Variants in CDH13 observed in about 807,000 individuals in gnomAD.
The protein encoded by CDH13 is cadherin-13.
CDH13 carries 24 observed loss-of-function variants against 63.8 expected under a neutral mutation model. The observed-to-expected ratio is 0.38, with a 90% CI of 0.27 to 0.53. The LOEUF (loss-of-function observed/expected upper bound fraction) is 0.53. Among genes scored for constraint, CDH13 ranks in the 20% least tolerant of loss-of-function variants. The pLI is 0.85. For missense variants in CDH13, 1,049 were observed against 903.1 expected, an observed-to-expected ratio of 1.16 and a Z score of -2.07; for synonymous variants, 503 against 355.3, an observed-to-expected ratio of 1.42 and a Z score of -4.67.
At chr16:83,695,834 C>G (rs1037924174) in intron 10 of CDH13, among the ~76,000 whole-genome samples, 5 of 151,760 alleles carry the variant, frequency 3.3e-5, no homozygotes, top group Non-Finnish European at 7.4e-5. Flanking sequence ...GAAGGGAGGT[C>G]GAACCTTTCG....
chr16:82,692,353 A>G (rs1915725328), intron 1 of CDH13, among the ~76,000 whole-genome samples: 1 of 152,240 alleles, frequency 6.6e-6, no homozygotes, highest in Non-Finnish European at 1.5e-5. Flanking sequence ...AAGAGGATTA[A>G]TTGACTCACA....
chr16:82,940,423 C>G (rs1444082533), intron 2 of CDH13, among the ~76,000 whole-genome samples: 3 of 152,006 alleles, frequency 2.0e-5, no homozygotes, highest in Admixed American at 2.0e-4. Context: ...GAGTCCAAAC[C>G]TTAGCAGTTA....
intron 6 of CDH13, among the ~76,000 whole-genome samples, chr16:83,421,231 G>A (rs1240736182): frequency 6.6e-6 from 1 of 152,144 alleles, no homozygotes; most frequent in Non-Finnish European, 1.5e-5. Context: ...GATTAGTGAG[G>A]TGAAGAGAAG....
chr16:83,319,871 A>C (rs1207008729), intron 5 of CDH13, among the ~76,000 whole-genome samples: 1 of 152,186 alleles, frequency 6.6e-6, no homozygotes, highest in Non-Finnish European at 1.5e-5. Flanking sequence ...TCAGTTCTTC[A>C]CCTGCTCGTT....
At chr16:83,006,925 T>C (rs2151430580) in intron 2 of CDH13, among the ~76,000 whole-genome samples, 1 of 130,806 alleles carries the variant, frequency 7.6e-6, no homozygotes, top group Middle Eastern at 4.1e-3. Flanking sequence ...TGTTTGTTTG[T>C]TTGTTTGTTT....
intron 3 of CDH13, among the ~76,000 whole-genome samples, chr16:83,057,978 A>G (rs935614591): frequency 2.0e-5 from 3 of 152,200 alleles, no homozygotes; most frequent in African/African-American, 7.2e-5. Context: ...TTTTAAAAAA[A>G]TAAAATAAAA....
chr16:83,252,586 A>G lies in CDH13; in HGVS notation c.636+35089A>G, dbSNP rs114236384. 3.9e-3 allele frequency among the ~76,000 whole-genome samples: 592 copies of G among 152,168 alleles called. 3 individuals carry two copies. Among genetic ancestry groups the G allele is most frequent in the African/African-American group, 0.014 (563 of 41,454 alleles). On this transcript the variant is annotated intron_variant, in intron 5 of 13. Transcript: ENST00000567109. ...CAAGTGACATGTTGCAAGCAGTTGT[A>G]TGATGTCACCAAGTGCTGGCCGTTG...
chr16:83,212,638 G>T (rs2151780773), intron 4 of CDH13, among the ~76,000 whole-genome samples: 1 of 152,324 alleles, frequency 6.6e-6, no homozygotes, highest in East Asian at 1.9e-4. Flanking sequence ...TTAGCAGAGG[G>T]CTCCAAACAG....
chr16:83,069,868 A>G (rs1467595798), intron 3 of CDH13, among the ~76,000 whole-genome samples: 2 of 152,208 alleles, frequency 1.3e-5, no homozygotes, highest in Non-Finnish European at 2.9e-5. Context: ...AAAACAAACC[A>G]TTTGAACTAA....
chr16:83,698,372 A>G (rs1184604679), intron 10 of CDH13, among the ~76,000 whole-genome samples: 1 of 152,204 alleles, frequency 6.6e-6, no homozygotes, highest in Non-Finnish European at 1.5e-5. Context: ...AAAAAGATAC[A>G]AGAAACTGCT....
chr16:83,577,362 C>T (rs1428528319), intron 7 of CDH13, among the ~76,000 whole-genome samples: 1 of 152,198 alleles, frequency 6.6e-6, no homozygotes, highest in African/African-American at 2.4e-5. Context: ...CATGTCACGC[C>T]TCACTGCCAA....
At chr16:82,976,879 G>A (rs1303456400) in intron 2 of CDH13, among the ~76,000 whole-genome samples, 1 of 152,132 alleles carries the variant, frequency 6.6e-6, no homozygotes, top group African/African-American at 2.4e-5. Context: ...GTGAGTTGCG[G>A]GAAGGGGATG....
intron 2 of CDH13, among the ~76,000 whole-genome samples, chr16:82,957,964 C>T (rs995138625): frequency 2.9e-4 from 44 of 152,284 alleles, no homozygotes; most frequent in East Asian, 3.9e-4. Flanking sequence ...CTGTGGAAGA[C>T]GCCTCTTCAC....
At chr16:82,962,942 A>G (rs1907241922) in intron 2 of CDH13, among the ~76,000 whole-genome samples, 1 of 152,232 alleles carries the variant, frequency 6.6e-6, no homozygotes, top group Admixed American at 6.5e-5. Flanking sequence ...AAGCAAAATA[A>G]TAATTTAGTA....
intron 10 of CDH13, among the ~76,000 whole-genome samples, chr16:83,730,619 G>A (rs1567557519): frequency 6.6e-6 from 1 of 152,022 alleles, no homozygotes; most frequent in Non-Finnish European, 1.5e-5. Flanking sequence ...GGATCACCTG[G>A]GTTTTTTGTT....
At chr16:83,740,275 G>T (rs1449072819) in intron 10 of CDH13, among the ~76,000 whole-genome samples, 2 of 151,908 alleles carry the variant, frequency 1.3e-5, no homozygotes, top group Non-Finnish European at 2.9e-5. Flanking sequence ...GGAAGTCATT[G>T]GTGGGTTTTA....
At chr16:83,558,051 A>C (rs1457989675) in intron 7 of CDH13, among the ~76,000 whole-genome samples, 3 of 152,126 alleles carry the variant, frequency 2.0e-5, no homozygotes, top group Non-Finnish European at 4.4e-5. Context: ...TAAAAAGGGC[A>C]CCCAGCAATG....
At chr16:82,899,513 CTATTT>C (rs776819099) in intron 2 of CDH13, among the ~76,000 whole-genome samples, 2 of 151,970 alleles carry the variant, frequency 1.3e-5, no homozygotes, top group Non-Finnish European at 2.9e-5. Context: ...AATATCCTGT[CTATTT>C]TATTATCTAG....
chr16:83,644,902 G>A (rs888618014), intron 8 of CDH13, among the ~76,000 whole-genome samples: 1 of 152,234 alleles, frequency 6.6e-6, no homozygotes, highest in African/African-American at 2.4e-5. Context: ...CTTTGCAGCT[G>A]TAGCTCCTCT....
Sources: allele counts gnomAD v4.1 joint callset (sites outside exome capture counted in the v4.1 genomes callset), GRCh38; gene constraint gnomAD v4.1.1; transcripts MANE v1.5; gene names NCBI Gene and HGNC (gene_info 2026-07-23, HGNC 2026-07-21).